Variants in SLC25A13 observed in about 807,000 individuals in gnomAD.
SLC25A13 encodes electrogenic aspartate/glutamate antiporter SLC25A13, mitochondrial.
A neutral mutation model predicts 85.5 loss-of-function variants in SLC25A13; 70 were observed. That is an observed-to-expected ratio of 0.82 (90% confidence interval 0.68 to 1.00). SLC25A13 has a LOEUF of 1.00. SLC25A13 is among the 50% of genes least tolerant of loss of function. The pLI, the probability that SLC25A13 is intolerant of heterozygous loss-of-function variation, is 0.00. For missense variants in SLC25A13, 765 were observed against 819.8 expected, an observed-to-expected ratio of 0.93 and a Z score of 0.82; for synonymous variants, 259 against 288.7, an observed-to-expected ratio of 0.90 and a Z score of 1.04.
At chr7:96,154,639 A>G (rs1793183670) in intron 13 of SLC25A13, among the ~76,000 whole-genome samples, 1 of 152,136 alleles carries the variant, frequency 6.6e-6, no homozygotes, top group Non-Finnish European at 1.5e-5. Flanking sequence ...CTTTGCACAC[A>G]GTCAATGGTA....
Position 96,121,923 on chromosome 7 carries a change from G to C in SLC25A13, c.1666C>G (p.Gln556Glu), listed in dbSNP as rs779579089. The change falls in exon 16 of 18, where the codon CAA (glutamine) becomes GAA (glutamate). Residue 556 changes from glutamine (Q) to glutamate (E), a missense_variant. Coordinates refer to ENST00000265631, the MANE Select transcript of SLC25A13 (RefSeq NM_014251.3). Reference sequence around the variant, plus strand: ...TCTATCACTCCGCTGTAAGTGGTTTGGCCAGCCCGGGCAGCCACCTGTAAT... The same window carrying C: ...TCTATCACTCCGCTGTAAGTGGTTTCGCCAGCCCGGGCAGCCACCTGTAAT... Reference protein sequence around the residue: ...TRLQVAARAGQTTYSGVIDCF... With the variant: ...TRLQVAARAGETTYSGVIDCF... 1.9e-6 allele frequency: 3 copies of C among 1,613,974 alleles called. No individual in the cohort carries two copies. In the African/African-American group the frequency reaches 4.0e-5, roughly 22 times the overall value.
At chr7:96,240,318 G>T (rs1796920698) in intron 3 of SLC25A13, among the ~76,000 whole-genome samples, 1 of 152,216 alleles carries the variant, frequency 6.6e-6, no homozygotes, top group African/African-American at 2.4e-5. Context: ...AGGAAGATGT[G>T]TTTGGTGAAC....
chr7:96,142,426 G>C (rs1212724784), intron 14 of SLC25A13, among the ~76,000 whole-genome samples: 1 of 152,144 alleles, frequency 6.6e-6, no homozygotes, highest in Non-Finnish European at 1.5e-5. Context: ...TTGCTGCAAA[G>C]GATATAATTT....
At chr7:96,319,540 C>CA (rs398005497) in intron 1 of SLC25A13, among the ~76,000 whole-genome samples, 39,334 of 77,098 alleles carry the variant, frequency 0.51, 9,946 homozygotes, top group Non-Finnish European at 0.57. Flanking sequence ...GACTCCATCT[C>CA]AAAAAAAAAA....
intron 3 of SLC25A13, among the ~76,000 whole-genome samples, chr7:96,246,272 A>G (rs1797185784): frequency 6.6e-6 from 1 of 152,234 alleles, no homozygotes; most frequent in African/African-American, 2.4e-5. Context: ...GTTCCCATAC[A>G]TACTTTTAGT....
At chr7:96,267,611 C>G (rs1798082125) in intron 3 of SLC25A13, among the ~76,000 whole-genome samples, 1 of 151,952 alleles carries the variant, frequency 6.6e-6, no homozygotes, top group African/African-American at 2.4e-5. Flanking sequence ...GTCAGGAATT[C>G]CAGACAAGCC....
intron 11 of SLC25A13, among the ~76,000 whole-genome samples, chr7:96,172,710 G>A (rs1340915923): frequency 6.6e-6 from 1 of 152,070 alleles, no homozygotes; most frequent in African/African-American, 2.4e-5. Context: ...AACCATGCAA[G>A]GTGGTGCCCA....
At chr7:96,143,000 GCAGA>G (rs776384839) in intron 14 of SLC25A13, among the ~76,000 whole-genome samples, 2 of 152,186 alleles carry the variant, frequency 1.3e-5, no homozygotes, top group Non-Finnish European at 2.9e-5. Context: ...TTAGAACACA[GCAGA>G]CAGAGTCCAT....
rs747616169 is a variant in SLC25A13 at position 96,277,195 on chromosome 7, C to T, written c.212+1G>A. 1.3e-6 allele frequency: 2 copies of T among 1,570,490 alleles called. No homozygotes were observed. Among genetic ancestry groups the T allele is most frequent in the Non-Finnish European group, 1.7e-6 (2 of 1,156,830 alleles). Reference sequence around the variant, plus strand: ...AATAAAATAATTAAAAATAAACATACCCATCTTTGGTCTGATCCACCACTC... The same window carrying T: ...AATAAAATAATTAAAAATAAACATATCCATCTTTGGTCTGATCCACCACTC... On this transcript the variant is annotated splice_donor_variant, in intron 3 of 17. Coordinates refer to ENST00000265631, the MANE Select transcript of SLC25A13 (RefSeq NM_014251.3). LOFTEE classifies it high-confidence loss of function.
At chr7:96,124,509 T>C (rs1156253818) in intron 15 of SLC25A13, among the ~76,000 whole-genome samples, 1 of 152,248 alleles carries the variant, frequency 6.6e-6, no homozygotes, top group Non-Finnish European at 1.5e-5. Context: ...TTATCTTTTA[T>C]AAAATATGCC....
At chr7:96,290,251 G>A (rs923124021) in intron 2 of SLC25A13, among the ~76,000 whole-genome samples, 11 of 152,118 alleles carry the variant, frequency 7.2e-5, no homozygotes, top group African/African-American at 2.2e-4. Context: ...CACCAGGCCT[G>A]CCCTAAAAGA....
At position 96,162,607 on chromosome 7, in the gene SLC25A13, GC is replaced by G. The variant is rs1215252539; in HGVS notation, c.1311+7437del. Among the ~76,000 whole-genome samples the G allele has an allele frequency of 2.6e-5, 4 of 152,268 alleles. No homozygotes were observed. In the East Asian group the frequency reaches 7.7e-4, roughly 29 times the overall value. ...AAAACTGAACAACTTAAGCTAATTAGCTGGGGCTGGGGCAAGGGATGAAAAG... is the reference window on the plus strand; with the variant it reads ...AAAACTGAACAACTTAAGCTAATTAGTGGGGCTGGGGCAAGGGATGAAAAG... On this transcript the variant is annotated intron_variant, in intron 13 of 17. Transcript: ENST00000265631.
chr7:96,194,130 C>T (rs10268035), intron 5 of SLC25A13, among the ~76,000 whole-genome samples: 1 of 152,046 alleles, frequency 6.6e-6, no homozygotes, highest in African/African-American at 2.4e-5. Flanking sequence ...CAGCTAACTT[C>T]TATGCAATTA....
chr7:96,237,776 G>C (rs930398427), intron 3 of SLC25A13, among the ~76,000 whole-genome samples: 14 of 152,176 alleles, frequency 9.2e-5, no homozygotes, highest in Non-Finnish European at 1.9e-4. Flanking sequence ...CAAGGAAACA[G>C]GCCAGGATGT....
intron 3 of SLC25A13, among the ~76,000 whole-genome samples, chr7:96,269,542 A>T (rs2116917964): frequency 6.6e-6 from 1 of 152,364 alleles, no homozygotes; most frequent in East Asian, 1.9e-4. Flanking sequence ...ATTCTTCACA[A>T]CTATAAGCTT....
chr7:96,266,539 G>A (rs950927378), intron 3 of SLC25A13, among the ~76,000 whole-genome samples: 29 of 152,068 alleles, frequency 1.9e-4, no homozygotes, highest in African/African-American at 6.5e-4. Flanking sequence ...GAGGAGGAGC[G>A]CTATCTGTAC....
intron 3 of SLC25A13, among the ~76,000 whole-genome samples, chr7:96,241,331 G>T (rs535242837): frequency 6.6e-6 from 1 of 152,256 alleles, no homozygotes; most frequent in African/African-American, 2.4e-5. Flanking sequence ...TCATAAATGC[G>T]TGCAAACTTT....
At chr7:96,290,413 T>C (rs1016363553) in intron 2 of SLC25A13, among the ~76,000 whole-genome samples, 5 of 152,038 alleles carry the variant, frequency 3.3e-5, no homozygotes, top group Non-Finnish European at 5.9e-5. Context: ...AGGATCAAAT[T>C]CACACATAAC....
At chr7:96,143,970 C>T (rs182623451) in intron 14 of SLC25A13, among the ~76,000 whole-genome samples, 2 of 152,284 alleles carry the variant, frequency 1.3e-5, no homozygotes, top group East Asian at 3.9e-4. Flanking sequence ...GGGACACATA[C>T]CAGGTTTAAA....
Sources: gnomAD v4.1 joint callset for allele counts (sites outside exome capture counted in the v4.1 genomes callset) on GRCh38, gnomAD v4.1.1 for gene constraint, MANE v1.5 for transcripts, NCBI Gene and HGNC (gene_info 2026-07-23, HGNC 2026-07-21) for gene names.